The following NCOA1 variants were observed in gnomAD, a reference collection of about 807,000 sequenced individuals.
The protein encoded by NCOA1 is nuclear receptor coactivator 1.
Under a neutral mutation model 150.9 loss-of-function variants are expected in NCOA1, and 35 were observed. The observed-to-expected ratio is 0.23, with a 90% CI of 0.18 to 0.31. The LOEUF (loss-of-function observed/expected upper bound fraction) is 0.31. NCOA1 is among the 10% of genes least tolerant of loss of function. The pLI is 1.00. For missense variants in NCOA1, 1,491 were observed against 1,749.3 expected, an observed-to-expected ratio of 0.85 and a Z score of 2.63; for synonymous variants, 590 against 630.0, an observed-to-expected ratio of 0.94 and a Z score of 0.95.
chr2:24,711,042 A>G lies in NCOA1; in HGVS notation c.2530A>G (p.Thr844Ala). Residue 844 changes from threonine to alanine, a missense_variant, in exon 14 of 23, where the codon ACC becomes GCC. Physicochemically the swap from Thr to Ala is moderately conservative, Grantham distance 58. Transcript: ENST00000348332. ...GATGGATGGTGCGGTCACCAGTGTA[A>G]CCATCAAATCGGAGATCCTGCCAGC... is the stretch of plus-strand genomic sequence containing the variant. Reference protein sequence around the residue: ...DRMDGAVTSVTIKSEILPASL... With the variant: ...DRMDGAVTSVAIKSEILPASL... 1 of 1,614,160 alleles carries G rather than the reference A, an allele frequency of 6.2e-7. No individual in the cohort carries two copies. Among genetic ancestry groups the G allele is most frequent in the South Asian group, 1.1e-5 (1 of 91,072 alleles).
chr2:24,502,602 A>G (rs1663512050), intron 1 of NCOA1, among the ~76,000 whole-genome samples: 1 of 152,132 alleles, frequency 6.6e-6, no homozygotes, highest in South Asian at 2.1e-4. Context: ...AAACCTTTCC[A>G]GTGTTTGGCC....
chr2:24,621,177 G>T (rs1669135406), intron 3 of NCOA1, among the ~76,000 whole-genome samples: 1 of 151,960 alleles, frequency 6.6e-6, no homozygotes, highest in Admixed American at 6.6e-5. Context: ...TTATTCACCT[G>T]GCCCCTTTCC....
intron 3 of NCOA1, among the ~76,000 whole-genome samples, chr2:24,586,235 C>A (rs1486530672): frequency 1.4e-5 from 2 of 142,468 alleles, no homozygotes; most frequent in Non-Finnish European, 3.0e-5. Context: ...GATATCGTGC[C>A]ACTGCACTTC....
chr2:24,649,406 C>T (rs980158063), intron 4 of NCOA1, among the ~76,000 whole-genome samples: 2 of 152,168 alleles, frequency 1.3e-5, no homozygotes, highest in African/African-American at 4.8e-5. Flanking sequence ...GTTAGGACGA[C>T]TGATTTTTCC....
At chr2:24,740,833 A>G (rs1445736813) in intron 18 of NCOA1, among the ~76,000 whole-genome samples, 16 of 152,226 alleles carry the variant, frequency 1.1e-4, no homozygotes, top group Admixed American at 9.8e-4. Flanking sequence ...ATTAGACTAT[A>G]TGTAGTTGGC....
At chr2:24,662,844 G>A (rs933358244) in intron 5 of NCOA1, among the ~76,000 whole-genome samples, 1 of 151,700 alleles carries the variant, frequency 6.6e-6, no homozygotes, top group African/African-American at 2.4e-5. Context: ...CTGGAGTGGA[G>A]CAGCACAGTC....
At chr2:24,521,143 A>C (rs1386500833) in intron 1 of NCOA1, among the ~76,000 whole-genome samples, 3 of 152,176 alleles carry the variant, frequency 2.0e-5, no homozygotes, top group Non-Finnish European at 2.9e-5. Context: ...ATTGATGAAT[A>C]AAAATGTTAC....
chr2:24,552,661 G>A (rs1024315583), intron 1 of NCOA1, among the ~76,000 whole-genome samples: 30 of 151,632 alleles, frequency 2.0e-4, no homozygotes, highest in East Asian at 1.9e-4. Context: ...CACCGCTCCC[G>A]GCCTGTGCTT....
intron 1 of NCOA1, among the ~76,000 whole-genome samples, chr2:24,531,202 T>C (rs974621587): frequency 6.6e-6 from 1 of 152,106 alleles, no homozygotes; most frequent in Non-Finnish European, 1.5e-5. Flanking sequence ...AAATTAAAAA[T>C]AGAATTACCA....
intron 2 of NCOA1, chr2:24,564,653 A>C (rs1023956516): frequency 1.3e-5 from 2 of 152,154 alleles, no homozygotes; most frequent in African/African-American, 4.8e-5. Context: ...CAGTATTCCA[A>C]TGTGGTCTCA....
At chr2:24,619,349 C>G (rs1010551422) in intron 3 of NCOA1, among the ~76,000 whole-genome samples, 2 of 152,064 alleles carry the variant, frequency 1.3e-5, no homozygotes, top group East Asian at 3.9e-4. Flanking sequence ...TGACCTTTTC[C>G]CACAAAGTAT....
At chr2:24,529,283 G>GT (rs1664782385) in intron 1 of NCOA1, among the ~76,000 whole-genome samples, 2 of 152,152 alleles carry the variant, frequency 1.3e-5, no homozygotes, top group African/African-American at 2.4e-5. Flanking sequence ...GTTCTTTTCT[G>GT]TTCATTGGTT....
chr2:24,620,103 T>C (rs1669057823), intron 3 of NCOA1, among the ~76,000 whole-genome samples: 1 of 152,190 alleles, frequency 6.6e-6, no homozygotes, highest in Admixed American at 6.5e-5. Flanking sequence ...AAAATTCTTA[T>C]CCTTTCTACA....
intron 3 of NCOA1, among the ~76,000 whole-genome samples, chr2:24,614,199 CTTTTTTTTTTTTTTTTT>C (rs869113477): frequency 3.2e-3 from 29 of 9,178 alleles, no homozygotes; most frequent in African/African-American, 9.8e-3. Flanking sequence ...CATTTCCATT[CTTTTTTTTTTTTTTTTT>C]TTTTTTTTTT....
At chr2:24,533,694 A>G (rs558480956) in intron 1 of NCOA1, among the ~76,000 whole-genome samples, 3 of 152,246 alleles carry the variant, frequency 2.0e-5, no homozygotes, top group South Asian at 2.1e-4. Flanking sequence ...TTCTGCATCT[A>G]TTGAGATAAT....
chr2:24,722,519 A>G (rs188517597), intron 14 of NCOA1, among the ~76,000 whole-genome samples: 21 of 152,302 alleles, frequency 1.4e-4, no homozygotes, highest in Admixed American at 1.2e-3. Context: ...AAAACTAAAA[A>G]GTGTACCTAT....
At chr2:24,595,704 T>C (rs913732914) in intron 3 of NCOA1, among the ~76,000 whole-genome samples, 1 of 151,914 alleles carries the variant, frequency 6.6e-6, no homozygotes, top group Non-Finnish European at 1.5e-5. Context: ...GTCCTAATTG[T>C]TTTTGGTGTC....
intron 13 of NCOA1, among the ~76,000 whole-genome samples, chr2:24,710,556 A>G (rs1673697012): frequency 6.6e-6 from 1 of 152,196 alleles, no homozygotes; most frequent in Non-Finnish European, 1.5e-5. Context: ...CATTTTATGA[A>G]ATTTTGAAAA....
At chr2:24,697,876 C>A in intron 11 of NCOA1, 78 bp downstream of exon 11, 2 of 1,349,918 alleles carry the variant, frequency 1.5e-6, no homozygotes, top group Non-Finnish European at 2.0e-6. Flanking sequence ...GAACTTATGG[C>A]TTGATAAGTA....
Sources: gnomAD v4.1 joint callset for allele counts (sites outside exome capture counted in the v4.1 genomes callset) on GRCh38, gnomAD v4.1.1 for gene constraint, MANE v1.5 for transcripts, NCBI Gene and HGNC (gene_info 2026-07-23, HGNC 2026-07-21) for gene names.